Variants in ITGA8 observed in about 807,000 individuals in gnomAD.
ITGA8 encodes the protein integrin alpha-8.
ITGA8 carries 91 observed loss-of-function variants against 142.3 expected under a neutral mutation model. The ratio of observed to expected loss-of-function variants is 0.64; its 90% CI spans 0.54 to 0.76. ITGA8 has a LOEUF of 0.76. Among genes scored for constraint, ITGA8 ranks in the 30% least tolerant of loss-of-function variants. The pLI is 0.00. For synonymous variants in ITGA8, 505 were observed against 485.2 expected (o/e 1.04, Z -0.54); for missense variants, 1,406 against 1,327.7 (o/e 1.06, Z -0.92).
At chr10:15,566,760 A>G (rs1422310810) in intron 25 of ITGA8, among the ~76,000 whole-genome samples, 1 of 151,116 alleles carries the variant, frequency 6.6e-6, no homozygotes. Flanking sequence ...TGCAGTGAGC[A>G]GAGATAGTGC....
intron 13 of ITGA8, among the ~76,000 whole-genome samples, chr10:15,631,940 T>G (rs1440393114): frequency 6.6e-6 from 1 of 151,944 alleles, no homozygotes; most frequent in Non-Finnish European, 1.5e-5. Context: ...AGTTCAAACT[T>G]AAACTGACAA....
chr10:15,547,845 C>A (rs1045110977), intron 27 of ITGA8, among the ~76,000 whole-genome samples: 3 of 152,126 alleles, frequency 2.0e-5, no homozygotes, highest in African/African-American at 7.2e-5. Flanking sequence ...TCATACTCAT[C>A]ATGCTGCCAC....
intron 27 of ITGA8, among the ~76,000 whole-genome samples, chr10:15,540,088 T>A (rs965870416): frequency 1.3e-5 from 2 of 152,178 alleles, no homozygotes; most frequent in Admixed American, 6.5e-5. Context: ...CATCTTTCCT[T>A]TGTAAATTAC....
Position 15,613,736 on chromosome 10 carries a change from G to T in ITGA8, c.1477C>A (p.Leu493Ile), listed in dbSNP as rs1588675805. The change falls in exon 15 of 30, where the codon CTT becomes ATT. Residue 493 changes from leucine to isoleucine, a missense_variant. Leu to Ile is a conservative substitution (Grantham distance 5). Transcript: ENST00000378076. ...ARPVVTVDAQ[L>I]LLHPMIINLE... ...TTGATAATCATTGGGTGCAGCAGAA[G>T]CTGGGCATCTACAGTCACAACCGGT... The T allele has an allele frequency of 6.2e-7, 1 of 1,614,126 alleles. No individual in the cohort carries two copies. Among genetic ancestry groups the T allele is most frequent in the Non-Finnish European group, 8.5e-7 (1 of 1,179,964 alleles).
intron 13 of ITGA8, among the ~76,000 whole-genome samples, chr10:15,620,598 G>C (rs1236822767): frequency 6.6e-6 from 1 of 152,206 alleles, no homozygotes; most frequent in Non-Finnish European, 1.5e-5. Context: ...AAGTATGTTT[G>C]CCTTTAGAGA....
At chr10:15,714,587 T>G (rs1235364036) in intron 2 of ITGA8, among the ~76,000 whole-genome samples, 2 of 152,208 alleles carry the variant, frequency 1.3e-5, no homozygotes, top group African/African-American at 4.8e-5. Context: ...TATTCATGCA[T>G]TTGAAGTGCT....
intron 28 of ITGA8, among the ~76,000 whole-genome samples, chr10:15,523,367 T>C (rs1040451812): frequency 4.6e-5 from 7 of 152,186 alleles, no homozygotes; most frequent in Non-Finnish European, 7.4e-5. Context: ...GTGAAATTGA[T>C]GAGGATATGA....
At position 15,708,948 on chromosome 10, in the gene ITGA8, C is replaced by A. The variant is rs147620734; in HGVS notation, c.343+9818G>T. 6.1e-3 allele frequency among the ~76,000 whole-genome samples: 936 copies of A among 152,236 alleles called. 11 individuals are homozygous for A. Among genetic ancestry groups the A allele is most frequent in the African/African-American group, 0.022 (901 of 41,518 alleles). On this transcript the variant is annotated intron_variant, in intron 2 of 29. Coordinates refer to ENST00000378076, the MANE Select transcript of ITGA8 (RefSeq NM_003638.3). Reference sequence around the variant, plus strand: ...AATCACACTGAACTTACAGTGTGAGCAAGAAATAAACCTTAGATGCTTTAA... The same window carrying A: ...AATCACACTGAACTTACAGTGTGAGAAAGAAATAAACCTTAGATGCTTTAA...
chr10:15,590,173 T>C (rs1564364411), intron 22 of ITGA8, among the ~76,000 whole-genome samples: 1 of 152,206 alleles, frequency 6.6e-6, no homozygotes, highest in Admixed American at 6.5e-5. Context: ...TTTTTAAGGG[T>C]AATGTTAAAA....
intron 23 of ITGA8, among the ~76,000 whole-genome samples, chr10:15,580,142 AAAAAAGAGAAAAGGAGAAG>A (rs1208699397): frequency 1.3e-5 from 2 of 150,922 alleles, no homozygotes; most frequent in African/African-American, 4.8e-5. Flanking sequence ...AAAAAAAAAA[AAAAAAGAGAAAAGGAGAAG>A]ATATAAACTG....
intron 3 of ITGA8, among the ~76,000 whole-genome samples, chr10:15,684,917 G>A (rs1834807894): frequency 6.6e-6 from 1 of 152,132 alleles, no homozygotes; most frequent in Non-Finnish European, 1.5e-5. Flanking sequence ...TCTGTTTTGT[G>A]ACGCCCCCTA....
intron 2 of ITGA8, among the ~76,000 whole-genome samples, 186 bp downstream of exon 2, chr10:15,718,580 A>G (rs1304901202): frequency 2.0e-5 from 3 of 152,194 alleles, no homozygotes; most frequent in African/African-American, 7.2e-5. Context: ...GGGTTCACTA[A>G]ACGTCTTCCT....
At chr10:15,579,417 GAC>G (rs1030469571) in intron 23 of ITGA8, among the ~76,000 whole-genome samples, 4 of 151,998 alleles carry the variant, frequency 2.6e-5, no homozygotes, top group Non-Finnish European at 4.4e-5. Context: ...TGAGAATAAA[GAC>G]AGTTATATTC....
Position 15,523,672 on chromosome 10 carries a change from G to A in ITGA8, c.2983-4260C>T, listed in dbSNP as rs7074530. 6.5e-3 allele frequency among the ~76,000 whole-genome samples: 983 copies of A among 151,868 alleles called. 10 individuals are homozygous for A. Among genetic ancestry groups the A allele is most frequent in the African/African-American group, 0.022 (909 of 41,354 alleles). Reference sequence around the variant, plus strand: ...CGCCTGTAATCCCAGCACTTTGGGAGGCTGAGACAGATGGATCACTTGAGG... The same window carrying A: ...CGCCTGTAATCCCAGCACTTTGGGAAGCTGAGACAGATGGATCACTTGAGG... On this transcript the variant is annotated intron_variant, in intron 28 of 29. Transcript: ENST00000378076.
chr10:15,634,883 C>T (rs1833744167), intron 13 of ITGA8, among the ~76,000 whole-genome samples: 2 of 151,554 alleles, frequency 1.3e-5, no homozygotes, highest in African/African-American at 4.9e-5. Context: ...TGAGGGGGAG[C>T]TGGGGGAAGA....
chr10:15,597,153 C>T (rs1833023163), intron 21 of ITGA8, 54 bp downstream of exon 21: 1 of 1,385,666 alleles, frequency 7.2e-7, no homozygotes. Flanking sequence ...TCCATTTGTT[C>T]CCTGTGAAGT....
intron 25 of ITGA8, among the ~76,000 whole-genome samples, chr10:15,560,135 C>T (rs1833948948): frequency 6.6e-6 from 1 of 151,758 alleles, no homozygotes; most frequent in East Asian, 1.9e-4. Flanking sequence ...AAAAAAATAG[C>T]CAATGTGGTG....
intron 7 of ITGA8, among the ~76,000 whole-genome samples, chr10:15,671,889 A>AG (rs1360240040): frequency 1.3e-5 from 2 of 151,868 alleles, no homozygotes; most frequent in Non-Finnish European, 2.9e-5. Flanking sequence ...CAAAAAAAAA[A>AG]AAAAAAAAAA....
At chr10:15,692,003 C>A (rs1834943320) in intron 2 of ITGA8, among the ~76,000 whole-genome samples, 1 of 152,170 alleles carries the variant, frequency 6.6e-6, no homozygotes, top group Admixed American at 6.5e-5. Context: ...GTGGCACGAT[C>A]ACAGTTCACT....
Sources: allele counts gnomAD v4.1 joint callset (sites outside exome capture counted in the v4.1 genomes callset), GRCh38; gene constraint gnomAD v4.1.1; transcripts MANE v1.5; gene names NCBI Gene and HGNC (gene_info 2026-07-23, HGNC 2026-07-21).